Variants in ZNF444 observed in about 807,000 individuals in gnomAD.
ZNF444 encodes the protein zinc finger protein 444, also known as endothelial zinc finger protein 2.
ZNF444 carries 8 observed loss-of-function variants against 14.4 expected under a neutral mutation model. The observed-to-expected ratio is 0.56, with a 90% confidence interval of 0.33 to 1.00. The LOEUF is 1.00. Ranked by LOEUF, ZNF444 falls within the 50% of genes least tolerant of loss-of-function variation. The probability of loss-of-function intolerance (pLI) is 0.03; values close to 1 mark genes in which losing one functional copy is unlikely to be tolerated. For synonymous variants in ZNF444, 258 were observed against 235.9 expected (o/e 1.09, Z -0.86); for missense variants, 510 against 504.8 (o/e 1.01, Z -0.10).
chr19:56,140,390 C>G (rs1460249214), upstream of ZNF444, among the ~76,000 whole-genome samples: 2 of 152,096 alleles, frequency 1.3e-5, no homozygotes, highest in African/African-American at 4.8e-5. Flanking sequence ...TGCTTCTTCA[C>G]AGTTCTGAGA....
chr19:56,138,253 T>C (rs114312018), upstream of ZNF444, among the ~76,000 whole-genome samples: 1,800 of 152,322 alleles, frequency 0.012, 32 homozygotes, highest in African/African-American at 0.041. Context: ...CTTGAGGACA[T>C]TCTGCCAAGT....
rs200429039 is a variant in ZNF444, at chr19:56,150,963, C to T, written c.297+3755C>T. On this transcript the variant is annotated intron_variant, in intron 3 of 4. Transcript: ENST00000337080. ...GGAGCTGACGGTGGCGTATAGACAG[C>T]TGACATCTGGGGGCGCTGCTGTGGA... The T allele has an allele frequency of 1.2e-3, 441 of 354,086 alleles. 10 individuals are homozygous for T. Among genetic ancestry groups the T allele is most frequent in the Non-Finnish European group, 1.6e-3 (304 of 194,888 alleles). The allele number at this position is 354,086 out of a possible 1,614,324, so 21.9% of individuals were successfully genotyped here.
Position 56,144,400 on chromosome 19 carries a change from C to T in ZNF444, c.-196-1847C>T, listed in dbSNP as rs1180119219. On this transcript the variant is annotated intron_variant, in intron 1 of 4. Coordinates refer to ENST00000337080, the MANE Select transcript of ZNF444 (RefSeq NM_018337.4). This position sits in a 1 kb window ranked among gnomAD's most constrained non-coding sequence, Gnocchi z 4.0. ...GAGATGAGAAAGTAGGGCTGGGCTGCATGGTCTCATGGCCATAGTAAGCAA... is the reference window on the plus strand; with the variant it reads ...GAGATGAGAAAGTAGGGCTGGGCTGTATGGTCTCATGGCCATAGTAAGCAA... 6.6e-6 allele frequency among the ~76,000 whole-genome samples: 1 copy of T among 152,152 alleles called. No homozygotes were observed. Among genetic ancestry groups the T allele is most frequent in the African/African-American group, 2.4e-5 (1 of 41,416 alleles).
At chr19:56,133,812 C>CA (rs67187542) in intron 1 of ZNF444, among the ~76,000 whole-genome samples, 4,064 of 129,924 alleles carry the variant, frequency 0.031, 234 homozygotes, top group African/African-American at 0.1. Context: ...GACTCCATCT[C>CA]AAAAAAAAAA....
intron 3 of ZNF444, among the ~76,000 whole-genome samples, chr19:56,152,264 G>A (rs2031628536): frequency 6.6e-6 from 1 of 151,642 alleles, no homozygotes; most frequent in Non-Finnish European, 1.5e-5. Flanking sequence ...CCCAGGAGCT[G>A]GAGATTGCAG....
intron 3 of ZNF444, among the ~76,000 whole-genome samples, chr19:56,153,037 T>C (rs1001929959): frequency 1.3e-5 from 2 of 152,144 alleles, no homozygotes; most frequent in Admixed American, 6.5e-5. Flanking sequence ...TGCCAGCTAG[T>C]AGACTTTCAC....
At chr19:56,138,793 T>C (rs1008285740), upstream of ZNF444, among the ~76,000 whole-genome samples, 3 of 6,970 alleles carry the variant, frequency 4.3e-4, no homozygotes, top group East Asian at 3.9e-3. Context: ...TTGAATGTAC[T>C]TTTTTTTTTT....
intron 3 of ZNF444, among the ~76,000 whole-genome samples, chr19:56,153,563 TTC>T (rs1213683165): frequency 4.6e-5 from 7 of 152,358 alleles, no homozygotes; most frequent in African/African-American, 1.4e-4. Flanking sequence ...GCTTCCTCAC[TTC>T]TGTGGAGAGA....
In ZNF444 at chr19:56,160,167, G is replaced by C; in HGVS notation, c.950G>C (p.Gly317Ala). The stretch of plus-strand genomic sequence containing the variant: ...GGGGCGGTAGCTCCGGGCCCGGATG[G>C]TGGAGGCCCCTTCCCGCCCTGGCCC... ...AQGAVAPGPD[G>A]GGPFPPWPLG The change falls in exon 5 of 5, where the codon GGT (glycine) becomes GCT (alanine). Residue 317 changes from glycine to alanine, a missense_variant. Gly to Ala is a moderately conservative substitution (Grantham distance 60). Coordinates refer to ENST00000337080, the MANE Select transcript of ZNF444 (RefSeq NM_018337.4). The C allele has an allele frequency of 6.8e-7, 1 of 1,476,814 alleles. No homozygotes were observed. The highest frequency in any genetic ancestry group is 8.9e-7 in the Non-Finnish European group (1 of 1,123,564). The allele number at this position is 1,476,814 out of a possible 1,614,324, so 91.5% of individuals were successfully genotyped here. A position where few individuals can be genotyped will look rare whatever the true frequency, so the allele number is the denominator to read the frequency against.
rs1308998766 is a variant in ZNF444 at position 56,145,024 on chromosome 19, G to A, written c.-196-1223G>A. ...ACCCAGGCCCTGTCACAGCCACTCG[G>A]TAGCTCCAAGGCGGCCGTGGACAGC... On this transcript the variant is annotated intron_variant, in intron 1 of 4. Transcript: ENST00000337080. This position sits in a 1 kb window ranked among gnomAD's most constrained non-coding sequence, Gnocchi z 4.3. Among the ~76,000 whole-genome samples, 3 of 152,240 alleles carry A rather than the reference G, an allele frequency of 2.0e-5. No individual in the cohort carries two copies. Among genetic ancestry groups the A allele is most frequent in the Admixed American group, 6.5e-5 (1 of 15,290 alleles).
upstream of ZNF444, among the ~76,000 whole-genome samples, chr19:56,140,049 T>C (rs1599988215): frequency 6.6e-6 from 1 of 152,246 alleles, no homozygotes. Context: ...TAGGCCACCG[T>C]GGGCAAACTG....
chr19:56,147,224 C>T lies in ZNF444; in HGVS notation c.297+16C>T. The T allele has an allele frequency of 1.4e-6, 2 of 1,413,638 alleles. No homozygotes were observed. The highest frequency in any genetic ancestry group is 1.8e-6 in the Non-Finnish European group (2 of 1,089,184). The allele number at this position is 1,413,638 out of a possible 1,614,324, so 87.6% of individuals were successfully genotyped here. Reference sequence around the variant, plus strand: ...GGAGCTCTGGGTGAGCCTGGCGGGACTGCAAGCGGGGAAGGGAGAGGGGAA... The same window carrying T: ...GGAGCTCTGGGTGAGCCTGGCGGGATTGCAAGCGGGGAAGGGAGAGGGGAA... On this transcript the variant is annotated intron_variant, in intron 3 of 4. Transcript: ENST00000337080. This position sits in a 1 kb window ranked among gnomAD's most constrained non-coding sequence, Gnocchi z 5.9.
chr19:56,139,929 G>C (rs564777245), upstream of ZNF444, among the ~76,000 whole-genome samples: 2 of 152,166 alleles, frequency 1.3e-5, no homozygotes, highest in African/African-American at 4.8e-5. Flanking sequence ...GTAGGCCATC[G>C]GATATGAGTG....
intron 3 of ZNF444, chr19:56,151,789 A>C: frequency 2.2e-6 from 1 of 451,768 alleles, no homozygotes; most frequent in South Asian, 1.6e-5. Flanking sequence ...GTGTATAGAC[A>C]GCTGACATCT....
Position 56,152,478 on chromosome 19 carries a change from G to GT in ZNF444, c.297+5274dup, listed in dbSNP as rs1189530302. On this transcript the variant is annotated intron_variant, in intron 3 of 4. Coordinates refer to ENST00000337080, the MANE Select transcript of ZNF444 (RefSeq NM_018337.4). Reference sequence around the variant, plus strand: ...GAAGGACATTTGGGTTGATTCCAGGGTTTTGTTTTTTTTTTTTTTTTAATA... The same window carrying GT: ...GAAGGACATTTGGGTTGATTCCAGGGTTTTTGTTTTTTTTTTTTTTTTAATA... 2.3e-4 allele frequency among the ~76,000 whole-genome samples: 33 copies of GT among 146,244 alleles called. No individual in the cohort carries two copies. In the South Asian group the frequency reaches 6.8e-3, roughly 30 times the overall value.
chr19:56,151,922 G>T, intron 3 of ZNF444: 2 of 456,844 alleles, frequency 4.4e-6, no homozygotes, highest in Non-Finnish European at 8.8e-6. Flanking sequence ...CTGGTGTGTG[G>T]GTCCTCGCCT....
intron 1 of ZNF444, among the ~76,000 whole-genome samples, chr19:56,136,114 G>A (rs1161762316): frequency 3.4e-5 from 4 of 116,120 alleles, no homozygotes; most frequent in Non-Finnish European, 7.5e-5. Context: ...TAAAAAAAAA[G>A]GACCCGCTCC....
rs904959687 is a variant in ZNF444 at position 56,144,625 on chromosome 19, G to C, written c.-196-1622G>C. On this transcript the variant is annotated intron_variant, in intron 1 of 4. Coordinates refer to ENST00000337080, the MANE Select transcript of ZNF444 (RefSeq NM_018337.4). The surrounding 1 kb of genome is among the most constrained non-coding windows in gnomAD (Gnocchi z 4.0). ...TAGTGACATGGCGGTCAGGAGCCCA[G>C]GCTTTGGTTGTATCAGGAGGAAAAT... Among the ~76,000 whole-genome samples, 2 of 152,194 alleles carry C rather than the reference G, an allele frequency of 1.3e-5. No individual in the cohort carries two copies. Among genetic ancestry groups the C allele is most frequent in the Non-Finnish European group, 2.9e-5 (2 of 68,038 alleles).
At chr19:56,159,461 AGGTACC>A (rs2032129888) in intron 4 of ZNF444, among the ~76,000 whole-genome samples, 157 bp from the exon 5 acceptor site, 1 of 152,122 alleles carries the variant, frequency 6.6e-6, no homozygotes, top group Admixed American at 6.5e-5. Flanking sequence ...AGGCACTACT[AGGTACC>A]GGGACACAGG....
Sources: gnomAD v4.1 joint callset for allele counts (sites outside exome capture counted in the v4.1 genomes callset) on GRCh38, gnomAD v4.1.1 for gene constraint, Gnocchi (gnomAD v3.1) non-coding constraint, MANE v1.5 for transcripts, NCBI Gene and HGNC (gene_info 2026-07-23, HGNC 2026-07-21) for gene names.